The following ARNT2 variants were observed in gnomAD, a reference collection of about 807,000 sequenced individuals.
The protein encoded by ARNT2 is ARNT protein 2.
A neutral mutation model predicts 91.7 loss-of-function variants in ARNT2; 36 were observed. That is an observed-to-expected ratio of 0.39 (90% CI 0.30 to 0.52). ARNT2 has a LOEUF of 0.52. ARNT2 is among the 20% of genes least tolerant of loss of function. The probability of loss-of-function intolerance (pLI) is 0.72; values close to 1 mark genes in which losing one functional copy is unlikely to be tolerated. For missense variants in ARNT2, 775 were observed against 939.3 expected (o/e 0.83, Z 2.29); for synonymous variants, 365 against 347.1 (o/e 1.05, Z -0.57).
chr15:80,580,608 A>G (rs1280788954), intron 16 of ARNT2, 59 bp downstream of exon 16: 2 of 1,607,736 alleles, frequency 1.2e-6, no homozygotes, highest in East Asian at 2.2e-5. Flanking sequence ...GCACTCTGGG[A>G]AGTGTTTTCT....
intron 5 of ARNT2, among the ~76,000 whole-genome samples, chr15:80,495,106 C>A (rs1040443719): frequency 2.6e-5 from 4 of 151,736 alleles, no homozygotes; most frequent in African/African-American, 9.7e-5. Context: ...TTTTTTTTGT[C>A]TCCTTATTCC....
intron 5 of ARNT2, among the ~76,000 whole-genome samples, chr15:80,486,030 G>C: frequency 6.6e-6 from 1 of 152,156 alleles, no homozygotes; most frequent in Non-Finnish European, 1.5e-5. Flanking sequence ...AGTTATTTCT[G>C]GAGGCTGTGA....
At chr15:80,484,007 GTCCATT>G (rs1896928553) in intron 5 of ARNT2, among the ~76,000 whole-genome samples, 1 of 152,140 alleles carries the variant, frequency 6.6e-6, no homozygotes, top group East Asian at 1.9e-4. Context: ...GAAAAAGATG[GTCCATT>G]TCCAAGTGTC....
At chr15:80,452,157 T>C (rs74027972) in intron 2 of ARNT2, among the ~76,000 whole-genome samples, 2,384 of 152,306 alleles carry the variant, frequency 0.016, 77 homozygotes, top group African/African-American at 0.054. Context: ...AAGACTGTTA[T>C]GTGTGTTGTA....
chr15:80,460,127 CT>C (rs1055077041), intron 3 of ARNT2, among the ~76,000 whole-genome samples: 14 of 152,140 alleles, frequency 9.2e-5, no homozygotes, highest in Non-Finnish European at 1.5e-4. Flanking sequence ...TAGAGGCTGC[CT>C]TGTGAGCCAG....
chr15:80,504,230 T>G (rs767607567), intron 5 of ARNT2, among the ~76,000 whole-genome samples: 5 of 152,242 alleles, frequency 3.3e-5, no homozygotes, highest in African/African-American at 1.2e-4. Flanking sequence ...TTTCTCACTC[T>G]TCCTGGCTTT....
intron 4 of ARNT2, among the ~76,000 whole-genome samples, chr15:80,471,606 C>T (rs771366385): frequency 6.6e-5 from 10 of 152,130 alleles, no homozygotes; most frequent in Admixed American, 1.3e-4. Flanking sequence ...CTTAGCCGGC[C>T]GGCATTTGCT....
intron 5 of ARNT2, among the ~76,000 whole-genome samples, chr15:80,501,111 C>T (rs1897187119): frequency 6.6e-6 from 1 of 152,110 alleles, no homozygotes; most frequent in East Asian, 1.9e-4. Context: ...TAAAAATATT[C>T]TCCTTATTTG....
chr15:80,502,762 C>T (rs563444109), intron 5 of ARNT2, among the ~76,000 whole-genome samples: 14 of 152,226 alleles, frequency 9.2e-5, no homozygotes, highest in African/African-American at 3.4e-4. Flanking sequence ...AGCTGTCTTA[C>T]TTCCAAGTGG....
At chr15:80,445,387 G>A (rs935668012) in intron 1 of ARNT2, among the ~76,000 whole-genome samples, 2 of 150,358 alleles carry the variant, frequency 1.3e-5, no homozygotes, top group African/African-American at 4.9e-5. Context: ...TAGGGTGTGT[G>A]CAGGTGTCGT....
At chr15:80,417,872 C>A (rs1895809065) in intron 1 of ARNT2, among the ~76,000 whole-genome samples, 1 of 152,178 alleles carries the variant, frequency 6.6e-6, no homozygotes, top group South Asian at 2.1e-4. Flanking sequence ...GTGGACAAGG[C>A]ATTGCATGAC....
intron 18 of ARNT2, among the ~76,000 whole-genome samples, chr15:80,592,447 T>G (rs545141203): frequency 2.0e-5 from 3 of 152,244 alleles, no homozygotes; most frequent in Non-Finnish European, 4.4e-5. Flanking sequence ...AGGCACGTCC[T>G]GCATGCCCCA....
intron 3 of ARNT2, among the ~76,000 whole-genome samples, chr15:80,461,358 G>A (rs1365907347): frequency 1.3e-5 from 2 of 152,248 alleles, no homozygotes; most frequent in African/African-American, 4.8e-5. Flanking sequence ...GGTGGTTGAA[G>A]AGGCCAAGCT....
At chr15:80,556,693 C>T (rs1002255158) in intron 11 of ARNT2, 1 of 152,296 alleles carries the variant, frequency 6.6e-6, no homozygotes, top group Non-Finnish European at 1.5e-5. Context: ...TATGGGAAGC[C>T]TTGTCCCATG....
chr15:80,412,398 T>G (rs1408509352), intron 1 of ARNT2, among the ~76,000 whole-genome samples: 1 of 152,226 alleles, frequency 6.6e-6, no homozygotes, highest in African/African-American at 2.4e-5. Flanking sequence ...CTGTGTTGAT[T>G]GTAAAAAATT....
intron 4 of ARNT2, among the ~76,000 whole-genome samples, chr15:80,471,226 A>G (rs1229123316): frequency 1.3e-5 from 2 of 152,254 alleles, no homozygotes; most frequent in Admixed American, 1.3e-4. Context: ...TGTCCTTTGC[A>G]GGAACATGGA....
rs1316298009 is a variant in ARNT2 at position 80,597,093 on chromosome 15, T to C, written c.*3395T>C. On this transcript the variant is annotated 3_prime_UTR_variant, in exon 19 of 19. Transcript: ENST00000303329. The stretch of plus-strand genomic sequence containing the variant: ...TTAAGGAACTTACACTGGGGAGCTT[T>C]ACTCTTCCGTGTCAACAATGTGACT... 2 of 515,052 alleles carry C rather than the reference T, an allele frequency of 3.9e-6. No individual in the cohort carries two copies. The highest frequency in any genetic ancestry group is 7.8e-6 in the Non-Finnish European group (2 of 257,466). 31.9% of individuals were successfully genotyped at this position (515,052 alleles called of 1,614,324 possible).
Position 80,473,643 on chromosome 15 carries a change from T to G in ARNT2, c.409-1367T>G, listed in dbSNP as rs369954900. Among the ~76,000 whole-genome samples the G allele has an allele frequency of 5.9e-5, 9 of 152,294 alleles. No individual in the cohort carries two copies. The East Asian group carries it at 1.5e-3, about 26-fold the overall frequency. On this transcript the variant is annotated intron_variant, in intron 4 of 18. Coordinates refer to ENST00000303329, the MANE Select transcript of ARNT2 (RefSeq NM_014862.4). ...GCAAGAGAAATGGGCAAAATAAACT[T>G]ATCCTTAAAAAATGCTTGTACCAAC...
At chr15:80,577,798 A>G (rs1898706403) in intron 15 of ARNT2, among the ~76,000 whole-genome samples, 2 of 152,212 alleles carry the variant, frequency 1.3e-5, no homozygotes, top group African/African-American at 2.4e-5. Flanking sequence ...TGGTTCAAGG[A>G]CAGACCTCCT....
Sources: gnomAD v4.1 joint callset for allele counts (sites outside exome capture counted in the v4.1 genomes callset) on GRCh38, gnomAD v4.1.1 for gene constraint, MANE v1.5 for transcripts, NCBI Gene and HGNC (gene_info 2026-07-23, HGNC 2026-07-21) for gene names.